The following SHOX variants were observed in gnomAD, a reference collection of about 807,000 sequenced individuals.
SHOX encodes SHOX homeobox, also known as short stature homeobox protein.
SHOX carries 12 observed loss-of-function variants against 29.6 expected under a neutral mutation model. The observed-to-expected ratio is 0.41, with a 90% CI of 0.26 to 0.66. The LOEUF (loss-of-function observed/expected upper bound fraction) is 0.66. SHOX is among the 30% of genes least tolerant of loss of function. SHOX has a pLI of 0.35. For missense variants in SHOX, 499 were observed against 437.7 expected (o/e 1.14, Z -1.25); for synonymous variants, 214 against 200.6 (o/e 1.07, Z -0.57).
downstream of SHOX, among the ~76,000 whole-genome samples, chrX:652,316 G>T (rs866094143): frequency 6.7e-6 from 1 of 149,502 alleles, no homozygotes; most frequent in Non-Finnish European, 1.5e-5. Context: ...AATGGAAAAA[G>T]AAATCGACTT....
chrX:655,715 G>GAA (rs1213161952), downstream of SHOX, among the ~76,000 whole-genome samples: 1 of 150,124 alleles, frequency 6.7e-6, no homozygotes, highest in Non-Finnish European at 1.5e-5. Context: ...TTGGGAAAGT[G>GAA]AAATTGTCAT....
intron 1 of SHOX, among the ~76,000 whole-genome samples, chrX:633,912 C>T (rs1023934257): frequency 5.9e-5 from 9 of 152,122 alleles, no homozygotes; most frequent in Non-Finnish European, 1.2e-4. Context: ...CCTTCTGACT[C>T]CCCCAGCAAA....
downstream of SHOX, among the ~76,000 whole-genome samples, chrX:654,447 A>C (rs558150667): frequency 6.4e-4 from 97 of 152,284 alleles, no homozygotes; most frequent in South Asian, 0.018. Flanking sequence ...AAACAATTCA[A>C]TGGAAGAATC....
intron 2 of SHOX, among the ~76,000 whole-genome samples, chrX:635,393 G>T (rs755831512): frequency 6.6e-6 from 1 of 152,234 alleles, no homozygotes; most frequent in South Asian, 2.1e-4. Context: ...AAAGGAGAGG[G>T]GTGTCCTCTG....
At position 647,040 on chromosome X, in the gene SHOX, CG is replaced by C. The variant is rs1415512431; in HGVS notation, c.*2405del. On this transcript the variant is annotated 3_prime_UTR_variant, in exon 5 of 5. Coordinates refer to ENST00000686671, the MANE Select transcript of SHOX (RefSeq NM_000451.4). Reference sequence around the variant, plus strand: ...TCCTCCCAAGAAAAAGCTCACTCCACGTGAGTAGAAAGACATCTACCTGGTC... The same window carrying C: ...TCCTCCCAAGAAAAAGCTCACTCCACTGAGTAGAAAGACATCTACCTGGTC... 6.6e-6 allele frequency among the ~76,000 whole-genome samples: 1 copy of C among 152,104 alleles called. No individual in the cohort carries two copies. The highest frequency in any genetic ancestry group is 1.5e-5 in the Non-Finnish European group (1 of 68,032).
chrX:632,020 T>C (rs1211040212), intron 1 of SHOX: 3 of 455,736 alleles, frequency 6.6e-6, no homozygotes, highest in Non-Finnish European at 1.3e-5. Flanking sequence ...GTCAGCTCGG[T>C]TCTGTTTCCT....
Position 650,041 on chromosome X carries a change from C to A in SHOX, c.*5405C>A. ...GGTGCATACTTTGCAAAGGTGTGTT[C>A]CTGGCAATTGCCAAGAGTTAGAAAA... On this transcript the variant is annotated 3_prime_UTR_variant, in exon 5 of 5. Transcript: ENST00000686671. The A allele has an allele frequency of 2.2e-6, 1 of 455,698 alleles. No homozygotes were observed. The highest frequency in any genetic ancestry group is 1.6e-5 in the South Asian group (1 of 64,456). The allele number at this position is 455,698 out of a possible 1,614,324, so 28.2% of individuals were successfully genotyped here. A position where few individuals can be genotyped will look rare whatever the true frequency, so the allele number is the denominator to read the frequency against.
At position 638,159 on chromosome X, in the gene SHOX, C is replaced by T. The variant is rs774244474; in HGVS notation, c.487-2662C>T. Among the ~76,000 whole-genome samples, 31 of 152,242 alleles carry T rather than the reference C, an allele frequency of 2.0e-4. 2 individuals carry two copies. The South Asian group carries it at 6.4e-3, about 32-fold the overall frequency. On this transcript the variant is annotated intron_variant, in intron 2 of 4. Transcript: ENST00000686671. ...TAAGCAGTGTCACACACTTCACTTACCATATTCGGGCCTAATTGGAATGGA... is the reference window on the plus strand; with the variant it reads ...TAAGCAGTGTCACACACTTCACTTATCATATTCGGGCCTAATTGGAATGGA...
chrX:626,242 C>G (rs1457443654), upstream of SHOX, among the ~76,000 whole-genome samples: 1 of 150,816 alleles, frequency 6.6e-6, no homozygotes, highest in African/African-American at 2.4e-5. Flanking sequence ...GTCTCTCTTT[C>G]TCTCTCTCCT....
rs1279088251 is a variant in SHOX, at chrX:630,871, G to A, written c.-27G>A. ...GGAGACGCGCGCATCCACCAGCCCC[G>A]GCTGCTCGCCAGCCCCGGCCCCAGC... On this transcript the variant is annotated 5_prime_UTR_variant, in exon 1 of 5. Transcript: ENST00000686671. 3 of 1,612,154 alleles carry A rather than the reference G, an allele frequency of 1.9e-6. No homozygotes were observed. The highest frequency in any genetic ancestry group is 2.5e-6 in the Non-Finnish European group (3 of 1,179,696).
chrX:639,650 A>C (rs1226268698), intron 2 of SHOX, among the ~76,000 whole-genome samples: 2 of 152,182 alleles, frequency 1.3e-5, no homozygotes, highest in African/African-American at 2.4e-5. Flanking sequence ...TTTTCACCTT[A>C]AGTTCATCAG....
At chrX:634,847 G>A (rs368313098) in intron 2 of SHOX, 21 bp downstream of exon 2, 21 of 1,549,148 alleles carry the variant, frequency 1.4e-5, no homozygotes, top group Admixed American at 2.0e-5. Flanking sequence ...GGGGGCGGGG[G>A]CGGGGGGCCC....
rs1159449478 is a variant in SHOX, at chrX:634,819, G to A, written c.479G>A (p.Arg160His). The change falls in exon 2 of 5, where the codon CGC (arginine) becomes CAC (histidine). Residue 160 changes from arginine (R) to histidine (H), a missense_variant. Physicochemically the swap from Arg to His is conservative, Grantham distance 29. Coordinates refer to ENST00000686671, the MANE Select transcript of SHOX (RefSeq NM_000451.4). ...CAGCGCCTGGGGCTCTCCGAGGCGC[G>A]CGTGCAGGTAGGAACCCGGGGGCGG... ...LSQRLGLSEA[R>H]VQVWFQNRRA... 1 of 1,568,284 alleles carries A rather than the reference G, an allele frequency of 6.4e-7. No homozygotes were observed. Among genetic ancestry groups the A allele is most frequent in the Non-Finnish European group, 8.6e-7 (1 of 1,156,984 alleles).
intron 2 of SHOX, among the ~76,000 whole-genome samples, chrX:638,940 C>A (rs758242971): frequency 1.1e-4 from 16 of 152,220 alleles, no homozygotes; most frequent in African/African-American, 3.9e-4. Flanking sequence ...CCACAGAAAA[C>A]CTGTTAGGAG....
chrX:652,543 G>C (rs1240011996), downstream of SHOX, among the ~76,000 whole-genome samples: 1 of 151,870 alleles, frequency 6.6e-6, no homozygotes, highest in Non-Finnish European at 1.5e-5. Context: ...TTCTCTGTGG[G>C]GGGCTCAGAG....
At chrX:628,401 T>G (rs1347489432), upstream of SHOX, among the ~76,000 whole-genome samples, 1 of 123,526 alleles carries the variant, frequency 8.1e-6, no homozygotes, top group African/African-American at 3.1e-5. Context: ...GTCTCTCCCT[T>G]TCTCTCTCTC....
chrX:630,662 G>A, upstream of SHOX: 6 of 606,946 alleles, frequency 9.9e-6, no homozygotes, highest in Non-Finnish European at 1.8e-5. Context: ...CTGGGGGGTG[G>A]GGGAGACACA....
At chrX:625,468 GTC>G (rs1008886823) in intron 1 of SHOX, among the ~76,000 whole-genome samples, 1 of 151,760 alleles carries the variant, frequency 6.6e-6, no homozygotes, top group Non-Finnish European at 1.5e-5. Flanking sequence ...CTCTCTCGCT[GTC>G]TCTCTCTGTC....
intron 1 of SHOX, among the ~76,000 whole-genome samples, chrX:624,886 CT>C (rs1569491671): frequency 1.9e-4 from 11 of 59,362 alleles, no homozygotes; most frequent in Middle Eastern, 7.9e-3. Context: ...TTCTTTCTTT[CT>C]TTCTTTCTTT....
Sources: allele counts gnomAD v4.1 joint callset (sites outside exome capture counted in the v4.1 genomes callset), GRCh38; gene constraint gnomAD v4.1.1; transcripts MANE v1.5; gene names NCBI Gene and HGNC (gene_info 2026-07-23, HGNC 2026-07-21).